The following GTF2H1 variants were observed in gnomAD, a reference collection of about 807,000 sequenced individuals.
GTF2H1 encodes general transcription factor IIH subunit 1, also known as BTF2 p62.
A neutral mutation model predicts 71.2 loss-of-function variants in GTF2H1; 16 were observed. That is an observed-to-expected ratio of 0.22 (90% CI 0.15 to 0.34). The LOEUF is 0.34. Among genes scored for constraint, GTF2H1 ranks in the 10% least tolerant of loss-of-function variants. The pLI is 1.00. For synonymous variants in GTF2H1, 215 were observed against 219.0 expected (o/e 0.98, Z 0.16); for missense variants, 498 against 648.2 (o/e 0.77, Z 2.52).
intron 9 of GTF2H1, among the ~76,000 whole-genome samples, chr11:18,351,285 A>T (rs1394069306): frequency 7.1e-6 from 1 of 140,462 alleles, no homozygotes; most frequent in African/African-American, 2.6e-5. Context: ...AAGAGGCGGA[A>T]TTTTTTTTTT....
intron 1 of GTF2H1, among the ~76,000 whole-genome samples, 193 bp downstream of exon 1, chr11:18,322,933 G>C (rs545254837): frequency 9.9e-5 from 15 of 152,264 alleles, no homozygotes; most frequent in African/African-American, 3.4e-4. Context: ...TAATCTACTT[G>C]TCTAAAGGAA....
chr11:18,322,625 T>A lies in GTF2H1; in HGVS notation c.-131T>A, dbSNP rs1345540635. 1.3e-5 allele frequency: 2 copies of A among 152,288 alleles called. No individual in the cohort carries two copies. The highest frequency in any genetic ancestry group is 2.9e-5 in the Non-Finnish European group (2 of 68,086). The allele number at this position is 152,288 out of a possible 1,614,324, so 9.4% of individuals were successfully genotyped here. Reference sequence around the variant, plus strand: ...CCCTAGTAACAGAGGCGGTGGCTACTGCTGCGGCCACTGGGTTTCGGCCTC... The same window carrying A: ...CCCTAGTAACAGAGGCGGTGGCTACAGCTGCGGCCACTGGGTTTCGGCCTC... On this transcript the variant is annotated 5_prime_UTR_variant, in exon 1 of 15. Coordinates refer to ENST00000265963, the MANE Select transcript of GTF2H1 (RefSeq NM_005316.4).
At chr11:18,365,580 A>G (rs1865804131) in intron 14 of GTF2H1, among the ~76,000 whole-genome samples, 1 of 151,990 alleles carries the variant, frequency 6.6e-6, no homozygotes, top group South Asian at 2.1e-4. Flanking sequence ...CAGCCTTTTC[A>G]CTGCCCCCTA....
chr11:18,360,805 TTC>T, intron 14 of GTF2H1, 98 bp downstream of exon 14: 14 of 692,320 alleles, frequency 2.0e-5, no homozygotes, highest in Admixed American at 8.7e-5. Context: ...ATACTTAATT[TTC>T]TTTTTTTTTT....
At position 18,366,577 on chromosome 11, in the gene GTF2H1, G is replaced by T. The variant is rs572780721; in HGVS notation, c.*708G>T. 1.3e-5 allele frequency: 2 copies of T among 152,610 alleles called. No homozygotes were observed. Among genetic ancestry groups the T allele is most frequent in the African/African-American group, 4.8e-5 (2 of 41,456 alleles). The allele number at this position is 152,610 out of a possible 1,614,324, so 9.5% of individuals were successfully genotyped here. A position where few individuals can be genotyped will look rare whatever the true frequency, so the allele number is the denominator to read the frequency against. ...TGGTTTGGAGTCCCTGAATAATAAA[G>T]AGGGAATATATTTGCAGAAAGTCGC... On this transcript the variant is annotated 3_prime_UTR_variant, in exon 15 of 15. Coordinates refer to ENST00000265963, the MANE Select transcript of GTF2H1 (RefSeq NM_005316.4).
intron 11 of GTF2H1, among the ~76,000 whole-genome samples, chr11:18,356,555 G>A (rs142569484): frequency 0.012 from 1,777 of 152,118 alleles, 20 homozygotes; most frequent in Middle Eastern, 0.037. Flanking sequence ...CCTTGGGCCC[G>A]AGTAGACCCA....
At chr11:18,327,034 T>C (rs12293544) in intron 1 of GTF2H1, among the ~76,000 whole-genome samples, 110,265 of 151,964 alleles carry the variant, frequency 0.73, 40,438 homozygotes, top group East Asian at 0.97. Context: ...TGGTGGCAGA[T>C]GCCTATAATC....
chr11:18,337,465 C>T (rs868267970), intron 3 of GTF2H1, among the ~76,000 whole-genome samples: 17 of 151,912 alleles, frequency 1.1e-4, no homozygotes, highest in African/African-American at 3.4e-4. Flanking sequence ...AAAAAAACTT[C>T]ATTGCTGGAA....
intron 13 of GTF2H1, among the ~76,000 whole-genome samples, chr11:18,359,704 ATTATT>A (rs1230216897): frequency 6.6e-6 from 1 of 152,036 alleles, no homozygotes; most frequent in South Asian, 2.1e-4. Context: ...AAAGACAATA[ATTATT>A]TTATTTTATT....
chr11:18,342,709 A>G (rs921433713), intron 7 of GTF2H1, among the ~76,000 whole-genome samples: 2 of 152,194 alleles, frequency 1.3e-5, no homozygotes, highest in Non-Finnish European at 2.9e-5. Context: ...ACAACTTAGT[A>G]TGAAAGGAAG....
At chr11:18,330,899 C>T (rs1367008559) in intron 1 of GTF2H1, among the ~76,000 whole-genome samples, 1 of 152,142 alleles carries the variant, frequency 6.6e-6, no homozygotes, top group Non-Finnish European at 1.5e-5. Flanking sequence ...ATAGAATAGC[C>T]TGTAAAGACC....
chr11:18,344,142 T>G (rs932497926), intron 7 of GTF2H1, among the ~76,000 whole-genome samples: 1 of 152,130 alleles, frequency 6.6e-6, no homozygotes, highest in South Asian at 2.1e-4. Flanking sequence ...CCTCCTGTTA[T>G]GTCCAGCATT....
Position 18,322,635 on chromosome 11 carries a change from A to G in GTF2H1, c.-121A>G, listed in dbSNP as rs971982721. The G allele has an allele frequency of 1.3e-5, 2 of 152,248 alleles. No individual in the cohort carries two copies. The highest frequency in any genetic ancestry group is 1.9e-4 in the East Asian group (1 of 5,178). 9.4% of individuals were successfully genotyped at this position (152,248 alleles called of 1,614,324 possible). On this transcript the variant is annotated 5_prime_UTR_variant, in exon 1 of 15. Transcript: ENST00000265963. Reference sequence around the variant, plus strand: ...AGAGGCGGTGGCTACTGCTGCGGCCACTGGGTTTCGGCCTCTTCCCAGCAG... The same window carrying G: ...AGAGGCGGTGGCTACTGCTGCGGCCGCTGGGTTTCGGCCTCTTCCCAGCAG...
intron 14 of GTF2H1, among the ~76,000 whole-genome samples, chr11:18,363,524 AT>A (rs1368875675): frequency 6.6e-6 from 1 of 152,162 alleles, no homozygotes; most frequent in Non-Finnish European, 1.5e-5. Context: ...CTAGTTACAA[AT>A]TTAAGATTCA....
chr11:18,344,053 G>T (rs948689530), intron 7 of GTF2H1, among the ~76,000 whole-genome samples: 1 of 152,052 alleles, frequency 6.6e-6, no homozygotes, highest in African/African-American at 2.4e-5. Flanking sequence ...CTGAACTCCT[G>T]GGCTCAAGCT....
chr11:18,346,733 C>CTTTTTTTTTTT (rs35494754), intron 7 of GTF2H1, among the ~76,000 whole-genome samples: 42 of 85,208 alleles, frequency 4.9e-4, no homozygotes, highest in Non-Finnish European at 6.0e-4. Context: ...TTTTTATTTA[C>CTTTTTTTTTTT]TTTTTTTTTT....
At chr11:18,339,447 T>A in intron 4 of GTF2H1, 117 bp from the exon 5 acceptor site, 1 of 619,362 alleles carries the variant, frequency 1.6e-6, no homozygotes, top group African/African-American at 1.9e-5. Flanking sequence ...AGGGACTTTC[T>A]CTGTCTATGC....
At chr11:18,334,856 C>T (rs1297825932) in intron 2 of GTF2H1, among the ~76,000 whole-genome samples, 2 of 152,028 alleles carry the variant, frequency 1.3e-5, no homozygotes, top group South Asian at 2.1e-4. Context: ...GCTTGTAATA[C>T]CATTATCACA....
chr11:18,355,001 G>A (rs1865509464), intron 11 of GTF2H1, among the ~76,000 whole-genome samples: 1 of 151,824 alleles, frequency 6.6e-6, no homozygotes, highest in Non-Finnish European at 1.5e-5. Flanking sequence ...GTAGAGACAG[G>A]GTTTTGCCAT....
Sources: gnomAD v4.1 joint callset for allele counts (sites outside exome capture counted in the v4.1 genomes callset) on GRCh38, gnomAD v4.1.1 for gene constraint, MANE v1.5 for transcripts, NCBI Gene and HGNC (gene_info 2026-07-23, HGNC 2026-07-21) for gene names.